NAGPA: variants seen among roughly 807,000 people sequenced by gnomAD.
The protein encoded by NAGPA is alpha-N-acetylglucosaminyl phosphodiesterase.
In NAGPA, 56 loss-of-function variants were observed where a neutral mutation model predicts 48.5. The observed-to-expected ratio is 1.15, with a 90% CI of 0.93 to 1.44. The LOEUF is 1.44. Ranked by LOEUF, NAGPA falls within the 40% of genes most tolerant of loss-of-function variation. The pLI is 0.00. For synonymous variants in NAGPA, 399 were observed against 315.5 expected (o/e 1.26, Z -2.81); for missense variants, 888 against 735.0 (o/e 1.21, Z -2.41).
At chr16:5,026,087 C>A (rs1596658974) in intron 9 of NAGPA, among the ~76,000 whole-genome samples, 1 of 151,900 alleles carries the variant, frequency 6.6e-6, no homozygotes, top group African/African-American at 2.4e-5. Context: ...AATCACCACG[C>A]CTGGCTAATT....
In NAGPA at chr16:5,030,423, C is replaced by T; in HGVS notation, c.753G>A (p.Leu251=). 4.5e-6 allele frequency: 7 copies of T among 1,553,630 alleles called. No homozygotes were observed. The highest frequency in any genetic ancestry group is 1.2e-5 in the South Asian group (1 of 84,156). Residue 251 remains leucine (L), a synonymous_variant, in exon 4 of 10, where the codon CTG becomes CTA. Coordinates refer to ENST00000312251, the MANE Select transcript of NAGPA (RefSeq NM_016256.4). ...TAIGHDRKGQ[L]VLFHADGQTE... is the part of the protein sequence containing the mutation. Reference sequence around the variant, plus strand: ...TTTGGCCGTCTGCATGAAAGAGCACCAGCTGCCCTTTCCGGTCGTGGCCAA... The same window carrying T: ...TTTGGCCGTCTGCATGAAAGAGCACTAGCTGCCCTTTCCGGTCGTGGCCAA...
chr16:5,028,179 G>C lies in NAGPA; in HGVS notation c.927C>G (p.Asp309Glu), dbSNP rs1183942020. The part of the protein sequence containing the change: ...LASYPSDHCQ[D>E]NMWRCPRQVS... Reference sequence around the variant, plus strand: ...CTTGGCGGGGACAGCGCCACATGTTGTCCTGGCTGTAGAGGGATGTGATGT... The same window carrying C: ...CTTGGCGGGGACAGCGCCACATGTTCTCCTGGCTGTAGAGGGATGTGATGT... The change falls in exon 6 of 10, where the codon GAC (aspartate) becomes GAG (glutamate). Residue 309 changes from aspartate (D) to glutamate (E), a missense_variant. Coordinates refer to ENST00000312251, the MANE Select transcript of NAGPA (RefSeq NM_016256.4). 1 of 1,560,038 alleles carries C rather than the reference G, an allele frequency of 6.4e-7. No homozygotes were observed. The highest frequency in any genetic ancestry group is 1.4e-5 in the African/African-American group (1 of 73,648).
At chr16:5,030,046 G>A (rs1020767212) in intron 4 of NAGPA, 2 of 450,346 alleles carry the variant, frequency 4.4e-6, no homozygotes, top group Non-Finnish European at 8.2e-6. Flanking sequence ...CAGGGAGGCC[G>A]AGGGACTTGT....
At chr16:5,030,559 A>T in intron 3 of NAGPA, 66 bp from the exon 4 acceptor site, 1 of 1,303,030 alleles carries the variant, frequency 7.7e-7, no homozygotes, top group East Asian at 2.5e-5. Context: ...GCCTAACTCC[A>T]CTTCCCACTG....
rs1956134607 is a variant in NAGPA at position 5,033,222 on chromosome 16, C to T, written c.542+51G>A. The T allele has an allele frequency of 1.3e-6, 2 of 1,546,510 alleles. No homozygotes were observed. The highest frequency in any genetic ancestry group is 1.7e-6 in the Non-Finnish European group (2 of 1,153,216). ...TGAACACGGAGGCACGGCTACAACC[C>T]AAATCTCAGGCCCTCTGCCCTCGAC... On this transcript the variant is annotated intron_variant, in intron 2 of 9. Coordinates refer to ENST00000312251, the MANE Select transcript of NAGPA (RefSeq NM_016256.4). This position sits in a 1 kb window ranked among gnomAD's most constrained non-coding sequence, Gnocchi z 4.2.
chr16:5,028,394 C>G (rs1268707165), intron 5 of NAGPA: 8 of 977,840 alleles, frequency 8.2e-6, no homozygotes, highest in Non-Finnish European at 1.3e-5. Flanking sequence ...CACCATCACG[C>G]CTGCCTAATT....
In NAGPA at chr16:5,027,275, T is replaced by C; in HGVS notation, c.1276+3A>G. 1 of 1,614,120 alleles carries C rather than the reference T, an allele frequency of 6.2e-7. No individual in the cohort carries two copies. Among genetic ancestry groups the C allele is most frequent in the South Asian group, 1.1e-5 (1 of 91,084 alleles). On this transcript the variant is annotated splice_donor_region_variant and intron_variant, in intron 8 of 9. Coordinates refer to ENST00000312251, the MANE Select transcript of NAGPA (RefSeq NM_016256.4). ...ATACCCCTCCCCTTGGAGGGATAGG[T>C]ACCTCTGGAGACGCTGCAGTTGCCA...
At chr16:5,032,678 C>G (rs1383058819) in intron 2 of NAGPA, among the ~76,000 whole-genome samples, 2 of 143,318 alleles carry the variant, frequency 1.4e-5, no homozygotes, top group African/African-American at 5.1e-5. Flanking sequence ...GACTCTGTCT[C>G]AAAAAAAAAA....
chr16:5,028,308 C>T (rs1220527311), intron 5 of NAGPA, 123 bp from the exon 6 acceptor site: 5 of 1,527,636 alleles, frequency 3.3e-6, no homozygotes, highest in East Asian at 2.5e-5. Flanking sequence ...TACAAGATGG[C>T]GTCTATCTAT....
intron 9 of NAGPA, 49 bp downstream of exon 9, chr16:5,027,086 G>A (rs1184311623): frequency 7.5e-6 from 12 of 1,601,874 alleles, no homozygotes; most frequent in Non-Finnish European, 1.0e-5. Flanking sequence ...GTGCGGGAGA[G>A]AAGGGGGATT....
chr16:5,030,711 T>C, intron 3 of NAGPA: 1 of 613,544 alleles, frequency 1.6e-6, no homozygotes, highest in Non-Finnish European at 2.9e-6. Flanking sequence ...AGCCTCCAGG[T>C]GAAGACCCTC....
Position 5,025,061 on chromosome 16 carries a change from G to A in NAGPA, c.*417C>T, listed in dbSNP as rs1290531446. 1 of 219,880 alleles carries A rather than the reference G, an allele frequency of 4.5e-6. No individual in the cohort carries two copies. Among genetic ancestry groups the A allele is most frequent in the Non-Finnish European group, 9.2e-6 (1 of 108,656 alleles). The allele number at this position is 219,880 out of a possible 1,614,324, so 13.6% of individuals were successfully genotyped here. A position where few individuals can be genotyped will look rare whatever the true frequency, so the allele number is the denominator to read the frequency against. On this transcript the variant is annotated 3_prime_UTR_variant, in exon 10 of 10. Transcript: ENST00000312251. ...AAAAGGGGTCCCGTGTCACAGCCAG[G>A]AAGGCAGACTCGTCCCTTTAACCCA...
At chr16:5,026,150 A>T (rs991989080) in intron 9 of NAGPA, among the ~76,000 whole-genome samples, 1 of 147,662 alleles carries the variant, frequency 6.8e-6, no homozygotes, top group Admixed American at 6.7e-5. Context: ...GCTGGTCTTG[A>T]ACTCCTGACC....
chr16:5,030,932 C>CT (rs111445375), intron 3 of NAGPA: 4,235 of 207,696 alleles, frequency 0.02, 2 homozygotes, highest in South Asian at 0.041. Flanking sequence ...ACCGCCCACT[C>CT]TTTTTTTTTT....
intron 3 of NAGPA, 108 bp from the exon 4 acceptor site, chr16:5,030,601 A>G (rs1244162179): frequency 1.1e-6 from 1 of 897,538 alleles, no homozygotes; most frequent in African/African-American, 1.7e-5. Flanking sequence ...CCTGGGAAGC[A>G]CAGCAGCCTC....
chr16:5,031,927 A>C, intron 2 of NAGPA, 43 bp from the exon 3 acceptor site: 2 of 1,613,344 alleles, frequency 1.2e-6, no homozygotes, highest in Non-Finnish European at 1.7e-6. Context: ...CAGCAGGGGC[A>C]ACTGCAGATA....
Position 5,031,820 on chromosome 16 carries a change from C to A in NAGPA, c.607G>T (p.Val203Leu). Reference sequence around the variant, plus strand: ...ATGCTTCCATTACGAATCAGCCACACGACCCCACTCAGCAGCTGCACAAAT... The same window carrying A: ...ATGCTTCCATTACGAATCAGCCACAAGACCCCACTCAGCAGCTGCACAAAT... ...NPFVQLLSGV[V>L]WLIRNGSIYI... The change falls in exon 3 of 10, where the codon GTG (valine) becomes TTG (leucine). Residue 203 changes from valine to leucine, a missense_variant. By Grantham distance (32) the Val-to-Leu change is conservative (BLOSUM62 1). Coordinates refer to ENST00000312251, the MANE Select transcript of NAGPA (RefSeq NM_016256.4). The A allele has an allele frequency of 6.2e-7, 1 of 1,614,158 alleles. No homozygotes were observed. Among genetic ancestry groups the A allele is most frequent in the Non-Finnish European group, 8.5e-7 (1 of 1,180,024 alleles).
intron 5 of NAGPA, chr16:5,028,609 C>G: frequency 1.8e-6 from 1 of 571,082 alleles, no homozygotes; most frequent in Non-Finnish European, 3.1e-6. Flanking sequence ...GTGGTGCCCT[C>G]TGCCCGGAAG....
chr16:5,025,106 C>T lies in NAGPA; in HGVS notation c.*372G>A, dbSNP rs987396381. 7 of 293,346 alleles carry T rather than the reference C, an allele frequency of 2.4e-5. No homozygotes were observed. Among genetic ancestry groups the T allele is most frequent in the African/African-American group, 4.2e-5 (2 of 47,112 alleles). The allele number at this position is 293,346 out of a possible 1,614,324, so 18.2% of individuals were successfully genotyped here. A position where few individuals can be genotyped will look rare whatever the true frequency, so the allele number is the denominator to read the frequency against. On this transcript the variant is annotated 3_prime_UTR_variant, in exon 10 of 10. Transcript: ENST00000312251. The stretch of plus-strand genomic sequence containing the variant: ...AACCCACTCCAGCCAGGGGTGCTGG[C>T]CAGGATGTGCTGTTCTGTCATGACG...
Sources: gnomAD v4.1 joint callset for allele counts (sites outside exome capture counted in the v4.1 genomes callset) on GRCh38, gnomAD v4.1.1 for gene constraint, Gnocchi (gnomAD v3.1) non-coding constraint, MANE v1.5 for transcripts, NCBI Gene and HGNC (gene_info 2026-07-23, HGNC 2026-07-21) for gene names.